FBN2: variants seen among roughly 807,000 people sequenced by gnomAD.
FBN2 encodes fibrillin-2.
A neutral mutation model predicts 355.6 loss-of-function variants in FBN2; 105 were observed. That is an observed-to-expected ratio of 0.30 (90% confidence interval 0.25 to 0.35). The LOEUF is 0.35. FBN2 is among the 10% of genes least tolerant of loss of function. The probability of loss-of-function intolerance (pLI) is 1.00; values close to 1 mark genes in which losing one functional copy is unlikely to be tolerated. For missense variants in FBN2, 3,280 were observed against 3,758.7 expected (o/e 0.87, Z 3.33); for synonymous variants, 1,350 against 1,301.2 (o/e 1.04, Z -0.81).
Position 128,363,260 on chromosome 5 carries a change from C to T in FBN2, c.2428+1340G>A, listed in dbSNP as rs184576963. The stretch of plus-strand genomic sequence containing the variant: ...GGCTGGAGTGCAGTGGCGAGGTCTC[C>T]GCTCACTGCAGCCTCCGCATCCCGG... On this transcript the variant is annotated intron_variant, in intron 18 of 64. Transcript: ENST00000262464. Among the ~76,000 whole-genome samples the T allele has an allele frequency of 2.9e-3, 445 of 152,028 alleles. 8 individuals are homozygous for T. Among genetic ancestry groups the T allele is most frequent in the Admixed American group, 0.027 (410 of 15,272 alleles).
At chr5:128,368,840 A>C (rs1194795991) in intron 16 of FBN2, among the ~76,000 whole-genome samples, 1 of 145,104 alleles carries the variant, frequency 6.9e-6, no homozygotes, top group Non-Finnish European at 1.5e-5. Context: ...CCAGCTAATT[A>C]AGATTTTTTT....
intron 5 of FBN2, among the ~76,000 whole-genome samples, chr5:128,494,701 T>A (rs558491640): frequency 2.0e-5 from 3 of 152,298 alleles, no homozygotes; most frequent in Non-Finnish European, 4.4e-5. Flanking sequence ...TGTTCAAGAC[T>A]GTGCCTCTGG....
At chr5:128,436,247 G>A (rs1352844356) in intron 7 of FBN2, among the ~76,000 whole-genome samples, 5 of 152,248 alleles carry the variant, frequency 3.3e-5, no homozygotes, top group African/African-American at 1.2e-4. Context: ...TGCCCCTCTG[G>A]AGTTCCTATC....
At chr5:128,415,915 C>T (rs1387576294) in intron 7 of FBN2, among the ~76,000 whole-genome samples, 1 of 152,002 alleles carries the variant, frequency 6.6e-6, no homozygotes. Context: ...AAGATGACAT[C>T]TCATTGTAAT....
chr5:128,294,756 T>C (rs1214415340), intron 48 of FBN2, among the ~76,000 whole-genome samples: 1 of 151,198 alleles, frequency 6.6e-6, no homozygotes, highest in Admixed American at 6.6e-5. Context: ...TCAGAGTAGG[T>C]TGCGAAAATT....
At chr5:128,441,360 C>T (rs747559302) in intron 7 of FBN2, among the ~76,000 whole-genome samples, 2 of 152,222 alleles carry the variant, frequency 1.3e-5, no homozygotes, top group Non-Finnish European at 2.9e-5. Flanking sequence ...GGTCATCCAA[C>T]ACCTTTGTTT....
In FBN2 at chr5:128,311,478, A is replaced by T. The variant is rs915977759; in HGVS notation, c.4949-53T>A. ...AACAAACACCTTCACTAAGGATAAG[A>T]GTTAATATTAGAGCTTTCAAAAGTG... On this transcript the variant is annotated intron_variant, in intron 38 of 64. Coordinates refer to ENST00000262464, the MANE Select transcript of FBN2 (RefSeq NM_001999.4). The T allele has an allele frequency of 2.5e-6, 4 of 1,584,452 alleles. No individual in the cohort carries two copies. In the African/African-American group the frequency reaches 5.4e-5, roughly 21 times the overall value.
intron 33 of FBN2, among the ~76,000 whole-genome samples, chr5:128,329,393 G>A (rs1248025890): frequency 1.3e-5 from 2 of 152,046 alleles, no homozygotes; most frequent in African/African-American, 4.8e-5. Context: ...AGCAGAATAA[G>A]AGGGAAGGAA....
chr5:128,383,367 A>C (rs1452116860), intron 11 of FBN2, among the ~76,000 whole-genome samples: 1 of 152,126 alleles, frequency 6.6e-6, no homozygotes, highest in Non-Finnish European at 1.5e-5. Context: ...GATAACTTCT[A>C]GAAGCAAAAA....
intron 5 of FBN2, among the ~76,000 whole-genome samples, chr5:128,467,022 A>G (rs1180128742): frequency 6.6e-6 from 1 of 152,194 alleles, no homozygotes; most frequent in Non-Finnish European, 1.5e-5. Context: ...TTTTAGGTCA[A>G]TGTGTGAATA....
In FBN2 at chr5:128,354,436, A is replaced by C. The variant is rs150198817; in HGVS notation, c.2674+2840T>G. Among the ~76,000 whole-genome samples, 385 of 152,330 alleles carry C rather than the reference A, an allele frequency of 2.5e-3. 1 individual carries two copies. The highest frequency in any genetic ancestry group is 4.5e-3 in the Non-Finnish European group (309 of 68,020). Reference sequence around the variant, plus strand: ...TTTTACTGAATGAAATGAGAAGCCTAGGATTTCCTAGACACAGTTCCTGGA... The same window carrying C: ...TTTTACTGAATGAAATGAGAAGCCTCGGATTTCCTAGACACAGTTCCTGGA... On this transcript the variant is annotated intron_variant, in intron 20 of 64. Coordinates refer to ENST00000262464, the MANE Select transcript of FBN2 (RefSeq NM_001999.4).
In FBN2 at chr5:128,299,315, A is replaced by C. The variant is rs531936149; in HGVS notation, c.6166+1502T>G. ...GTCTGTGCCCTGCCCCCAGAGGTGGAGCCTACAGAGGCAGGCAGGCCTCCT... is the reference window on the plus strand; with the variant it reads ...GTCTGTGCCCTGCCCCCAGAGGTGGCGCCTACAGAGGCAGGCAGGCCTCCT... On this transcript the variant is annotated intron_variant, in intron 48 of 64. Transcript: ENST00000262464. 8.6e-5 allele frequency among the ~76,000 whole-genome samples: 13 copies of C among 151,882 alleles called. No homozygotes were observed. The South Asian group carries it at 1.0e-3, about 12-fold the overall frequency.
chr5:128,530,473 G>A, intron 3 of FBN2, 122 bp downstream of exon 3: 2 of 717,388 alleles, frequency 2.8e-6, no homozygotes, highest in Non-Finnish European at 5.1e-6. Context: ...ATCTCATAAT[G>A]TTGATGTAAG....
rs189145965 is a variant in FBN2 at position 128,334,576 on chromosome 5, A to G, written c.4099+143T>C. ...ACCAGCCAAATCCATCACACATCCT[A>G]TAGGTCACACACTCATCACACACAC... On this transcript the variant is annotated intron_variant, in intron 31 of 64. Transcript: ENST00000262464. 1.2e-5 allele frequency: 11 copies of G among 902,964 alleles called. No individual in the cohort carries two copies. In the Admixed American group the frequency reaches 2.0e-4, roughly 16 times the overall value. 55.9% of individuals were successfully genotyped at this position (902,964 alleles called of 1,614,324 possible).
chr5:128,357,443 G>A (rs758124134), intron 19 of FBN2, 48 bp from the exon 20 acceptor site: 1 of 1,611,350 alleles, frequency 6.2e-7, no homozygotes, highest in East Asian at 2.2e-5. Context: ...ATGTGTTTCT[G>A]GAAAATATTA....
intron 48 of FBN2, among the ~76,000 whole-genome samples, chr5:128,293,989 C>T (rs36158325): frequency 0.023 from 3,455 of 150,110 alleles, 57 homozygotes; most frequent in Non-Finnish European, 0.035. Flanking sequence ...CCTCCCTCCT[C>T]CCCCGACCCC....
rs761871037 is a variant in FBN2 at position 128,290,727 on chromosome 5, C to T, written c.6445+5G>A. On this transcript the variant is annotated splice_donor_5th_base_variant and intron_variant, in intron 50 of 64. Transcript: ENST00000262464. ...AGTGCTGTCTGATGATGTCATTGCT[C>T]TTACCTTCATCGTCTTTGGGGCACA... The T allele has an allele frequency of 2.1e-5, 34 of 1,613,904 alleles. No individual in the cohort carries two copies. The highest frequency in any genetic ancestry group is 2.8e-5 in the Non-Finnish European group (33 of 1,179,878).
At chr5:128,293,003 C>T (rs1247856283) in intron 48 of FBN2, among the ~76,000 whole-genome samples, 2 of 152,090 alleles carry the variant, frequency 1.3e-5, no homozygotes, top group Non-Finnish European at 2.9e-5. Flanking sequence ...AGTAAGTTAC[C>T]CCAAAGCAAA....
chr5:128,327,026 A>C (rs772891210), intron 34 of FBN2, among the ~76,000 whole-genome samples: 1 of 152,156 alleles, frequency 6.6e-6, no homozygotes, highest in Non-Finnish European at 1.5e-5. Context: ...TCTCCCACTA[A>C]CTCTTGTCAA....
Sources: gnomAD v4.1 joint callset for allele counts (sites outside exome capture counted in the v4.1 genomes callset) on GRCh38, gnomAD v4.1.1 for gene constraint, MANE v1.5 for transcripts, NCBI Gene and HGNC (gene_info 2026-07-23, HGNC 2026-07-21) for gene names.